FHIT: variants seen among roughly 807,000 people sequenced by gnomAD.
FHIT encodes fragile histidine triad diadenosine triphosphatase.
FHIT carries 19 observed loss-of-function variants against 17.9 expected under a neutral mutation model. That is an observed-to-expected ratio of 1.06 (90% CI 0.74 to 1.56). The LOEUF is 1.56. Among genes scored for constraint, FHIT ranks in the 40% most tolerant of loss-of-function variants. The pLI is 0.00. For missense variants in FHIT, 248 were observed against 189.2 expected, an observed-to-expected ratio of 1.31 and a Z score of -1.82; for synonymous variants, 81 against 69.7, an observed-to-expected ratio of 1.16 and a Z score of -0.81.
chr3:59,949,246 C>G (rs563407032), intron 7 of FHIT, among the ~76,000 whole-genome samples: 6 of 152,334 alleles, frequency 3.9e-5, no homozygotes, highest in Non-Finnish European at 8.8e-5. Context: ...CGAGTGATCT[C>G]TTCTTTCCCT....
intron 3 of FHIT, among the ~76,000 whole-genome samples, chr3:60,973,365 C>G (rs1247193964): frequency 6.6e-6 from 1 of 152,136 alleles, no homozygotes; most frequent in African/African-American, 2.4e-5. Context: ...GAGACTGCTA[C>G]AATATCTGCT....
At chr3:60,604,471 T>C (rs531388291) in intron 4 of FHIT, among the ~76,000 whole-genome samples, 51 of 152,184 alleles carry the variant, frequency 3.4e-4, no homozygotes, top group Non-Finnish European at 5.6e-4. Context: ...GAGCCAGACA[T>C]GCATTTTTGC....
chr3:60,826,026 A>G (rs1459033938), intron 3 of FHIT, among the ~76,000 whole-genome samples: 3 of 152,138 alleles, frequency 2.0e-5, no homozygotes, highest in African/African-American at 7.2e-5. Flanking sequence ...CTGACCAAAC[A>G]AAAACGGATA....
chr3:60,918,086 CA>C (rs1707096955), intron 3 of FHIT, among the ~76,000 whole-genome samples: 2 of 152,300 alleles, frequency 1.3e-5, no homozygotes, highest in East Asian at 3.9e-4. Context: ...AATTAAGTTT[CA>C]CAATATTTGA....
intron 3 of FHIT, among the ~76,000 whole-genome samples, chr3:60,884,847 G>T (rs186487140): frequency 1.3e-5 from 2 of 150,232 alleles, no homozygotes; most frequent in African/African-American, 4.9e-5. Flanking sequence ...TGAGGCTGCA[G>T]AGGGCCGTGT....
chr3:60,728,822 C>T (rs953562653), intron 4 of FHIT, among the ~76,000 whole-genome samples: 2 of 151,966 alleles, frequency 1.3e-5, no homozygotes, highest in Non-Finnish European at 1.5e-5. Flanking sequence ...TATCCTAAAC[C>T]TGAAAACCTG....
chr3:60,130,780 G>GTATATACACACATATA (rs1452178117), intron 5 of FHIT, among the ~76,000 whole-genome samples: 3 of 2,400 alleles, frequency 1.3e-3, no homozygotes, highest in African/African-American at 1.7e-3. Context: ...GTGTGTGTGT[G>GTATATACACACATATA]TGTGGTGTGT....
At chr3:59,765,011 A>C (rs1045090020) in intron 8 of FHIT, among the ~76,000 whole-genome samples, 2 of 152,166 alleles carry the variant, frequency 1.3e-5, no homozygotes, top group African/African-American at 2.4e-5. Flanking sequence ...CACCTTTCTC[A>C]GCTGCCTACT....
intron 5 of FHIT, among the ~76,000 whole-genome samples, chr3:60,083,776 G>A (rs1472398199): frequency 2.0e-5 from 3 of 152,220 alleles, no homozygotes; most frequent in Non-Finnish European, 4.4e-5. Flanking sequence ...ACAAATGGGT[G>A]TGGCTGTGTT....
At chr3:60,321,131 A>G (rs1458678730) in intron 5 of FHIT, among the ~76,000 whole-genome samples, 2 of 152,156 alleles carry the variant, frequency 1.3e-5, no homozygotes, top group African/African-American at 4.8e-5. Flanking sequence ...AGTTATAATA[A>G]TATTTACTAC....
intron 5 of FHIT, among the ~76,000 whole-genome samples, chr3:60,194,584 A>G (rs1702540334): frequency 1.3e-5 from 2 of 152,156 alleles, no homozygotes; most frequent in African/African-American, 2.4e-5. Context: ...AAATGAATAA[A>G]TGATACCTAA....
In FHIT at chr3:60,135,031, G is replaced by A. The variant is rs144623049; in HGVS notation, c.104-120879C>T. Among the ~76,000 whole-genome samples, 21 of 152,234 alleles carry A rather than the reference G, an allele frequency of 1.4e-4. No individual in the cohort carries two copies. In the East Asian group the frequency reaches 3.7e-3, roughly 27 times the overall value. On this transcript the variant is annotated intron_variant, in intron 5 of 9. Coordinates refer to ENST00000492590, the MANE Select transcript of FHIT (RefSeq NM_002012.4). ...ATAGAAGAGAAAGGGAAGCCAGTGA[G>A]GGAGTGAATATCTAGCTGAGAATGG... is the stretch of plus-strand genomic sequence containing the variant.
intron 5 of FHIT, among the ~76,000 whole-genome samples, chr3:60,235,007 G>A (rs575622719): frequency 2.0e-4 from 31 of 152,172 alleles, no homozygotes; most frequent in African/African-American, 7.5e-4. Context: ...TGACCCAAGT[G>A]CATCAGGAGC....
At chr3:61,249,462 A>C (rs2040560990) in intron 1 of FHIT, among the ~76,000 whole-genome samples, 1 of 152,228 alleles carries the variant, frequency 6.6e-6, no homozygotes, top group Non-Finnish European at 1.5e-5. Flanking sequence ...AGCATGGTAT[A>C]ATTAAAAGAT....
At chr3:59,788,550 A>G (rs1699409399) in intron 8 of FHIT, among the ~76,000 whole-genome samples, 1 of 152,160 alleles carries the variant, frequency 6.6e-6, no homozygotes, top group African/African-American at 2.4e-5. Context: ...AACAGGGCTA[A>G]AGGCAGGCTA....
intron 1 of FHIT, among the ~76,000 whole-genome samples, chr3:61,229,053 A>T (rs907413548): frequency 1.6e-4 from 25 of 152,168 alleles, no homozygotes; most frequent in Non-Finnish European, 2.9e-5. Context: ...ACTAGAGTAA[A>T]AACCTGTACT....
intron 3 of FHIT, among the ~76,000 whole-genome samples, chr3:60,972,413 T>C (rs532261846): frequency 3.8e-4 from 58 of 152,206 alleles, no homozygotes; most frequent in African/African-American, 1.3e-3. Context: ...CTTGGTTCCA[T>C]TGTTTTGGTT....
At chr3:60,091,269 G>A (rs538901687) in intron 5 of FHIT, among the ~76,000 whole-genome samples, 8 of 152,294 alleles carry the variant, frequency 5.3e-5, no homozygotes, top group African/African-American at 1.7e-4. Flanking sequence ...ATATGAGTTT[G>A]TTATCTGAAG....
chr3:60,686,449 C>A (rs961676156), intron 4 of FHIT, among the ~76,000 whole-genome samples: 1 of 151,942 alleles, frequency 6.6e-6, no homozygotes, highest in East Asian at 1.9e-4. Flanking sequence ...TTTTTATGAC[C>A]CATTCTCTAT....
Sources: gnomAD v4.1 joint callset for allele counts (sites outside exome capture counted in the v4.1 genomes callset) on GRCh38, gnomAD v4.1.1 for gene constraint, MANE v1.5 for transcripts, NCBI Gene and HGNC (gene_info 2026-07-23, HGNC 2026-07-21) for gene names.